Variants in DNAJC6 observed in about 807,000 individuals in gnomAD.
DNAJC6 encodes the protein auxilin.
DNAJC6 carries 34 observed loss-of-function variants against 110.0 expected under a neutral mutation model. The observed-to-expected ratio is 0.31, with a 90% CI of 0.24 to 0.41. The LOEUF is 0.41. Ranked by LOEUF, DNAJC6 falls within the 10% of genes least tolerant of loss-of-function variation. The pLI is 1.00. For missense variants in DNAJC6, 1,031 were observed against 1,207.8 expected (o/e 0.85, Z 2.17); for synonymous variants, 406 against 437.2 (o/e 0.93, Z 0.89).
At chr1:65,282,754 G>A (rs1299600983) in intron 1 of DNAJC6, among the ~76,000 whole-genome samples, 1 of 152,156 alleles carries the variant, frequency 6.6e-6, no homozygotes, top group East Asian at 1.9e-4. Context: ...TAGGGAATGA[G>A]CTATTTACTC....
rs939798655 is a variant in DNAJC6, at chr1:65,413,440, T to C, written c.*415T>C. On this transcript the variant is annotated 3_prime_UTR_variant, in exon 19 of 19. Coordinates refer to ENST00000371069, the MANE Select transcript of DNAJC6 (RefSeq NM_001256864.2). ...GATGGTTTAATGGTTTCTAGATTTT[T>C]CTTGGAAAGATATAATTTGAGCAGT... 4 of 155,122 alleles carry C rather than the reference T, an allele frequency of 2.6e-5. No homozygotes were observed. Among genetic ancestry groups the C allele is most frequent in the African/African-American group, 9.6e-5 (4 of 41,476 alleles). The allele number at this position is 155,122 out of a possible 1,614,324, so 9.6% of individuals were successfully genotyped here.
intron 1 of DNAJC6, among the ~76,000 whole-genome samples, chr1:65,333,913 A>T (rs138632282): frequency 6.6e-6 from 1 of 152,342 alleles, no homozygotes; most frequent in East Asian, 1.9e-4. Context: ...AAAAGGATAG[A>T]TATGAATAGA....
rs191064965 is a variant in DNAJC6, at chr1:65,294,986, G to A, written c.-131+30054G>A. Among the ~76,000 whole-genome samples the A allele has an allele frequency of 7.1e-3, 1,080 of 152,180 alleles. 18 individuals carry two copies. Among genetic ancestry groups the A allele is most frequent in the African/African-American group, 0.025 (1,046 of 41,530 alleles). On this transcript the variant is annotated intron_variant, in intron 1 of 19. Transcript: ENST00000263441. ...ATTTATAATGTAAGCTTTTATTTAG[G>A]CATCTGAAGTTTTTCTTTTTATGTG...
chr1:65,355,688 C>T (rs952988172), intron 1 of DNAJC6, among the ~76,000 whole-genome samples: 1 of 152,158 alleles, frequency 6.6e-6, no homozygotes, highest in African/African-American at 2.4e-5. Flanking sequence ...CAGGTCACGT[C>T]AAGATGAGAA....
chr1:65,360,741 A>C (rs1415526213), intron 1 of DNAJC6, among the ~76,000 whole-genome samples: 1 of 152,190 alleles, frequency 6.6e-6, no homozygotes, highest in Non-Finnish European at 1.5e-5. Context: ...TAGTCTGTGG[A>C]GGTGCCCATT....
chr1:65,298,550 G>A (rs900973836), intron 1 of DNAJC6, among the ~76,000 whole-genome samples: 12 of 151,868 alleles, frequency 7.9e-5, no homozygotes, highest in Non-Finnish European at 1.3e-4. Flanking sequence ...TTGCTTAACG[G>A]TAGTAGTTAG....
rs1473215508 is a variant in DNAJC6 at position 65,414,623 on chromosome 1, AT to A, written c.*1601del. ...GTTTGTTTGTTTGTTAAAGTTCATT[AT>A]TTATTTTACCTTTTACTGACAATGT... On this transcript the variant is annotated 3_prime_UTR_variant, in exon 19 of 19. Transcript: ENST00000371069. 1 of 152,562 alleles carries A rather than the reference AT, an allele frequency of 6.6e-6. No individual in the cohort carries two copies. The highest frequency in any genetic ancestry group is 6.5e-5 in the Admixed American group (1 of 15,280). 9.5% of individuals were successfully genotyped at this position (152,562 alleles called of 1,614,324 possible).
chr1:65,363,922 C>A (rs1470442961), intron 1 of DNAJC6, among the ~76,000 whole-genome samples: 1 of 152,104 alleles, frequency 6.6e-6, no homozygotes, highest in Non-Finnish European at 1.5e-5. Context: ...GGCCTAAAAG[C>A]TGTACTAAAG....
chr1:65,392,409 ATGG>A lies in DNAJC6; in HGVS notation c.1469-20_1469-18del. 6.4e-7 allele frequency: 1 copy of A among 1,555,382 alleles called. No individual in the cohort carries two copies. Among genetic ancestry groups the A allele is most frequent in the Non-Finnish European group, 8.7e-7 (1 of 1,151,894 alleles). On this transcript the variant is annotated intron_variant, in intron 11 of 18. Coordinates refer to ENST00000371069, the MANE Select transcript of DNAJC6 (RefSeq NM_001256864.2). ...TGCTGTGGTCAGCAACTAATCTCTT[ATGG>A]TATACTGGCCTTCCTCAGATCAGAA...
chr1:65,357,441 A>C (rs928934569), intron 1 of DNAJC6, among the ~76,000 whole-genome samples: 3 of 152,218 alleles, frequency 2.0e-5, no homozygotes, highest in Non-Finnish European at 2.9e-5. Flanking sequence ...CCACTGAAGA[A>C]GGCTGATGTC....
At chr1:65,364,540 G>C in intron 1 of DNAJC6, 95 bp from the exon 2 acceptor site, 1 of 1,344,930 alleles carries the variant, frequency 7.4e-7, no homozygotes, top group Non-Finnish European at 1.0e-6. Context: ...CTTAAAGACA[G>C]TCTGTGTATG....
intron 1 of DNAJC6, among the ~76,000 whole-genome samples, chr1:65,339,175 T>C (rs768198318): frequency 1.3e-5 from 2 of 152,148 alleles, no homozygotes; most frequent in Non-Finnish European, 2.9e-5. Flanking sequence ...AGGTGTAATG[T>C]TGGGTTCTTA....
intron 1 of DNAJC6, among the ~76,000 whole-genome samples, chr1:65,356,344 G>C (rs571690041): frequency 2.4e-4 from 37 of 151,944 alleles, no homozygotes; most frequent in Admixed American, 2.4e-3. Flanking sequence ...GGCTAAGGCC[G>C]GCCAATCACC....
intron 6 of DNAJC6, among the ~76,000 whole-genome samples, chr1:65,384,606 C>A (rs562714715): frequency 6.6e-6 from 1 of 152,094 alleles, no homozygotes; most frequent in Admixed American, 6.5e-5. Context: ...GGGAAGAGAG[C>A]GTGTGCAGGG....
intron 1 of DNAJC6, among the ~76,000 whole-genome samples, chr1:65,276,415 G>A (rs1046393972): frequency 6.6e-6 from 1 of 152,124 alleles, no homozygotes; most frequent in Non-Finnish European, 1.5e-5. Flanking sequence ...TCATCTACCT[G>A]TTGAGAGTAT....
At chr1:65,322,257 G>C (rs2101418768) in intron 1 of DNAJC6, among the ~76,000 whole-genome samples, 1 of 152,136 alleles carries the variant, frequency 6.6e-6, no homozygotes, top group Middle Eastern at 3.4e-3. Context: ...CAGTGATACA[G>C]GTTAATGAAA....
chr1:65,405,737 C>A, intron 15 of DNAJC6, 133 bp from the exon 16 acceptor site: 2 of 1,040,824 alleles, frequency 1.9e-6, no homozygotes, highest in African/African-American at 1.6e-5. Flanking sequence ...ATTGCTTTAT[C>A]TATATTAGGA....
At chr1:65,385,563 A>G in intron 6 of DNAJC6, 149 bp from the exon 7 acceptor site, 1 of 649,144 alleles carries the variant, frequency 1.5e-6, no homozygotes, top group Non-Finnish European at 2.4e-6. Flanking sequence ...TATTGATCGC[A>G]TTATCTTTTG....
intron 5 of DNAJC6, among the ~76,000 whole-genome samples, chr1:65,382,118 A>G (rs1403563981): frequency 6.6e-6 from 1 of 152,232 alleles, no homozygotes; most frequent in Non-Finnish European, 1.5e-5. Flanking sequence ...TTCAAGGCAC[A>G]ATTCTGAGAA....
Sources: gnomAD v4.1 joint callset for allele counts (sites outside exome capture counted in the v4.1 genomes callset) on GRCh38, gnomAD v4.1.1 for gene constraint, MANE v1.5 for transcripts, NCBI Gene and HGNC (gene_info 2026-07-23, HGNC 2026-07-21) for gene names.